The following HERC4 variants were observed in gnomAD, a reference collection of about 807,000 sequenced individuals.
The protein encoded by HERC4 is HECT and RLD domain containing E3 ubiquitin protein ligase 4, also known as probable E3 ubiquitin-protein ligase HERC4.
Under a neutral mutation model 124.3 loss-of-function variants are expected in HERC4, and 28 were observed. That is an observed-to-expected ratio of 0.23 (90% CI 0.17 to 0.31). HERC4 has a LOEUF of 0.31. Ranked by LOEUF, HERC4 falls within the 10% of genes least tolerant of loss-of-function variation. HERC4 has a pLI of 1.00. For synonymous variants in HERC4, 407 were observed against 421.5 expected (o/e 0.97, Z 0.42); for missense variants, 713 against 1,229.3 (o/e 0.58, Z 6.28).
At position 68,019,484 on chromosome 10, in the gene HERC4, G is replaced by A. The variant is rs148090966; in HGVS notation, c.909-5298C>T. 3.3e-5 allele frequency among the ~76,000 whole-genome samples: 5 copies of A among 152,228 alleles called. No individual in the cohort carries two copies. The East Asian group carries it at 9.7e-4, about 29-fold the overall frequency. Reference sequence around the variant, plus strand: ...ATGGCAACAGTGACACCATACAGTAGGAGGGTGAAGAATTTTCAAAAATGG... The same window carrying A: ...ATGGCAACAGTGACACCATACAGTAAGAGGGTGAAGAATTTTCAAAAATGG... On this transcript the variant is annotated intron_variant, in intron 8 of 24. Transcript: ENST00000373700.
intron 23 of HERC4, among the ~76,000 whole-genome samples, chr10:67,928,084 G>A (rs118158705): frequency 2.3e-3 from 343 of 152,270 alleles, no homozygotes; most frequent in Admixed American, 3.8e-3. Flanking sequence ...CAGGGGAAGA[G>A]AATTCCAGGC....
intron 15 of HERC4, among the ~76,000 whole-genome samples, chr10:67,986,237 G>C (rs1164866804): frequency 6.6e-6 from 1 of 152,164 alleles, no homozygotes; most frequent in African/African-American, 2.4e-5. Context: ...CTGCAAACAA[G>C]AACCCAGTTT....
At chr10:68,011,316 A>C (rs2037941449) in intron 9 of HERC4, among the ~76,000 whole-genome samples, 1 of 152,228 alleles carries the variant, frequency 6.6e-6, no homozygotes, top group Non-Finnish European at 1.5e-5. Flanking sequence ...AAATGTTCTT[A>C]ACAGTAACTG....
chr10:68,010,101 C>A (rs1564542771), intron 9 of HERC4: 8 of 709,616 alleles, frequency 1.1e-5, no homozygotes, highest in Non-Finnish European at 1.7e-5. Context: ...TCCTTCCTTA[C>A]TGAATGAAGA....
intron 8 of HERC4, among the ~76,000 whole-genome samples, chr10:68,017,374 C>T (rs745825516): frequency 7.2e-5 from 11 of 152,224 alleles, no homozygotes; most frequent in Non-Finnish European, 1.5e-4. Flanking sequence ...AAAGGCCTGG[C>T]TTTACTGAAC....
At chr10:68,047,917 T>A (rs1481104065) in intron 3 of HERC4, among the ~76,000 whole-genome samples, 1 of 151,132 alleles carries the variant, frequency 6.6e-6, no homozygotes, top group Non-Finnish European at 1.5e-5. Flanking sequence ...TGCACATGAA[T>A]GTTTTGTTTT....
chr10:67,963,604 T>C (rs1039320980), intron 16 of HERC4, among the ~76,000 whole-genome samples: 3 of 152,318 alleles, frequency 2.0e-5, no homozygotes, highest in East Asian at 1.9e-4. Flanking sequence ...TGTGTGTATA[T>C]ATTTATATAA....
intron 15 of HERC4, among the ~76,000 whole-genome samples, chr10:67,974,488 A>C (rs190304030): frequency 6.6e-6 from 1 of 152,324 alleles, no homozygotes; most frequent in Admixed American, 6.5e-5. Context: ...GAACAAAATG[A>C]ATCACTCAGT....
At chr10:68,023,726 A>G (rs2038764242) in intron 8 of HERC4, among the ~76,000 whole-genome samples, 1 of 152,154 alleles carries the variant, frequency 6.6e-6, no homozygotes. Context: ...ATTTCCCACA[A>G]AAACTTTTAA....
intron 23 of HERC4, among the ~76,000 whole-genome samples, chr10:67,931,488 G>T (rs759973508): frequency 6.6e-6 from 1 of 151,576 alleles, no homozygotes; most frequent in South Asian, 2.1e-4. Flanking sequence ...GCAGTGGCGC[G>T]ATCTTGGCTC....
intron 8 of HERC4, among the ~76,000 whole-genome samples, chr10:68,016,723 C>T (rs2038293282): frequency 6.6e-6 from 1 of 152,174 alleles, no homozygotes; most frequent in Non-Finnish European, 1.5e-5. Context: ...ACTTACACTT[C>T]CTGTTTAGGT....
intron 5 of HERC4, 34 bp from the exon 6 acceptor site, chr10:68,034,220 T>A: frequency 6.8e-7 from 1 of 1,469,632 alleles, no homozygotes; most frequent in Non-Finnish European, 9.4e-7. Flanking sequence ...TAACCATTTT[T>A]CTCACATGCA....
chr10:68,022,345 C>T (rs2038674420), intron 8 of HERC4, among the ~76,000 whole-genome samples: 1 of 151,874 alleles, frequency 6.6e-6, no homozygotes, highest in Non-Finnish European at 1.5e-5. Context: ...ACTAAAAACA[C>T]AAAATTAGTC....
chr10:67,958,084 G>A (rs1159976060), intron 16 of HERC4, among the ~76,000 whole-genome samples: 1 of 152,176 alleles, frequency 6.6e-6, no homozygotes, highest in Non-Finnish European at 1.5e-5. Flanking sequence ...TGGGATTACA[G>A]GCGTGAGCCA....
intron 15 of HERC4, 75 bp downstream of exon 15, chr10:67,988,588 T>G (rs997350932): frequency 4.1e-6 from 4 of 968,882 alleles, no homozygotes; most frequent in African/African-American, 1.7e-5. Context: ...TTTAATAGAT[T>G]AATGTTAAAA....
chr10:67,954,501 T>A lies in HERC4; in HGVS notation c.2337+94A>T, dbSNP rs542647993. 609 of 950,782 alleles carry A rather than the reference T, an allele frequency of 6.4e-4. 2 individuals are homozygous for A. The African/African-American group carries it at 9.2e-3, about 14-fold the overall frequency. 58.9% of individuals were successfully genotyped at this position (950,782 alleles called of 1,614,324 possible). A position where few individuals can be genotyped will look rare whatever the true frequency, so the allele number is the denominator to read the frequency against. On this transcript the variant is annotated intron_variant, in intron 19 of 24. Transcript: ENST00000373700. ...CAGATCTTATATGTTAGGGATCCAG[T>A]AGTAATTCCTTATTTACTGAATTAA... is the stretch of plus-strand genomic sequence containing the variant.
Position 67,966,519 on chromosome 10 carries a change from T to C in HERC4, c.1926+164A>G, listed in dbSNP as rs929000083. 1.6e-5 allele frequency: 9 copies of C among 555,170 alleles called. No individual in the cohort carries two copies. In the Admixed American group the frequency reaches 2.8e-4, roughly 18 times the overall value. 34.4% of individuals were successfully genotyped at this position (555,170 alleles called of 1,614,324 possible). On this transcript the variant is annotated intron_variant, in intron 16 of 24. Transcript: ENST00000373700. Reference sequence around the variant, plus strand: ...AGAGTAGAATGTTTGCATATAAATATTGTAAAATATATAGCACTCCTTTGC... The same window carrying C: ...AGAGTAGAATGTTTGCATATAAATACTGTAAAATATATAGCACTCCTTTGC...
At chr10:68,029,106 C>T (rs912368773) in intron 7 of HERC4, among the ~76,000 whole-genome samples, 3 of 152,026 alleles carry the variant, frequency 2.0e-5, no homozygotes, top group South Asian at 4.1e-4. Flanking sequence ...CCCAAGAATT[C>T]GGTCATAGCT....
Position 68,064,181 on chromosome 10 carries a change from G to A in HERC4, c.226+8702C>T, listed in dbSNP as rs1011267012. On this transcript the variant is annotated intron_variant, in intron 3 of 24. Coordinates refer to ENST00000373700, the MANE Select transcript of HERC4 (RefSeq NM_015601.4). Reference sequence around the variant, plus strand: ...TTGAGCCCAGGAAGCAGAGGTTGCCGTGAGCCGAGATCATGCCACTGCACT... The same window carrying A: ...TTGAGCCCAGGAAGCAGAGGTTGCCATGAGCCGAGATCATGCCACTGCACT... 2.6e-5 allele frequency among the ~76,000 whole-genome samples: 4 copies of A among 152,200 alleles called. No homozygotes were observed. The South Asian group carries it at 6.2e-4, about 24-fold the overall frequency.
Sources: allele counts gnomAD v4.1 joint callset (sites outside exome capture counted in the v4.1 genomes callset), GRCh38; gene constraint gnomAD v4.1.1; transcripts MANE v1.5; gene names NCBI Gene and HGNC (gene_info 2026-07-23, HGNC 2026-07-21).